ROBO4: variants seen among roughly 807,000 people sequenced by gnomAD.
The protein encoded by ROBO4 is roundabout guidance receptor 4, also known as roundabout homolog 4.
Under a neutral mutation model 103.3 loss-of-function variants are expected in ROBO4, and 80 were observed. The observed-to-expected ratio is 0.77, with a 90% CI of 0.65 to 0.93. ROBO4 has a LOEUF of 0.93. Ranked by LOEUF, ROBO4 falls within the 40% of genes least tolerant of loss-of-function variation. The probability of loss-of-function intolerance (pLI) is 0.00; values close to 1 mark genes in which losing one functional copy is unlikely to be tolerated. For synonymous variants in ROBO4, 504 were observed against 529.7 expected (o/e 0.95, Z 0.67); for missense variants, 1,333 against 1,305.3 (o/e 1.02, Z -0.33).
Position 124,895,669 on chromosome 11 carries a change from G to A in ROBO4, c.824C>T (p.Ala275Val), listed in dbSNP as rs367662644. 117 of 1,612,606 alleles carry A rather than the reference G, an allele frequency of 7.3e-5. No individual in the cohort carries two copies. Among genetic ancestry groups the A allele is most frequent in the Non-Finnish European group, 8.8e-5 (104 of 1,178,978 alleles). Residue 275 changes from alanine (A) to valine (V), a missense_variant, in exon 6 of 18, where the codon GCG (alanine) becomes GTG (valine). Coordinates refer to ENST00000306534, the MANE Select transcript of ROBO4 (RefSeq NM_019055.6). ...WLSWKVSGPA[A>V]PAQSYTALFR... ...CAAGGCCGTGTAAGATTGGGCAGGC[G>A]CAGCAGGGCCACTGACCTGGGAAGG... is the stretch of plus-strand genomic sequence containing the variant.
rs1338223082 is a variant in ROBO4, at chr11:124,884,588, G to C, written c.*303C>G. 4.1e-6 allele frequency: 2 copies of C among 490,424 alleles called. No individual in the cohort carries two copies. The highest frequency in any genetic ancestry group is 3.5e-5 in the Admixed American group (1 of 28,722). The allele number at this position is 490,424 out of a possible 1,614,324, so 30.4% of individuals were successfully genotyped here. The stretch of plus-strand genomic sequence containing the variant: ...TCCAAATGGTGGGGGAAGAGCAGCA[G>C]GCAGGGCTGCTCCTCAGGCCAAAAC... On this transcript the variant is annotated 3_prime_UTR_variant, in exon 18 of 18. Coordinates refer to ENST00000306534, the MANE Select transcript of ROBO4 (RefSeq NM_019055.6).
Position 124,896,319 on chromosome 11 carries a change from C to G in ROBO4, c.559-1G>C. 1 of 1,613,882 alleles carries G rather than the reference C, an allele frequency of 6.2e-7. No individual in the cohort carries two copies. Among genetic ancestry groups the G allele is most frequent in the South Asian group, 1.1e-5 (1 of 91,074 alleles). Reference sequence around the variant, plus strand: ...CCATCAGCAGGGACCCCCCGGACACCTGTCAGGGCCAGGTTCACTGTGAAG... The same window carrying G: ...CCATCAGCAGGGACCCCCCGGACACGTGTCAGGGCCAGGTTCACTGTGAAG... On this transcript the variant is annotated splice_acceptor_variant, in intron 3 of 17. Transcript: ENST00000306534. LOFTEE classifies it high-confidence loss of function.
At chr11:124,892,146 T>C (rs1453486347) in intron 10 of ROBO4, 3 of 488,152 alleles carry the variant, frequency 6.1e-6, no homozygotes, top group South Asian at 3.3e-5. Context: ...AGTACATCTG[T>C]TGCACTTGGG....
intron 16 of ROBO4, 161 bp downstream of exon 16, chr11:124,886,303 C>A: frequency 1.6e-6 from 1 of 612,702 alleles, no homozygotes; most frequent in South Asian, 2.3e-5. Flanking sequence ...GAATATTCCA[C>A]ATAGACTTTC....
Position 124,887,129 on chromosome 11 carries a change from GC to G in ROBO4, c.2282del (p.Ser761ThrfsTer33). ...GGCCAGAGAGGGAAGAGGCCTGGGGGCTAGGGGGACTGCAGGGGCTAAGGAT... is the reference window on the plus strand; with the variant it reads ...GGCCAGAGAGGGAAGAGGCCTGGGGGTAGGGGGACTGCAGGGGCTAAGGAT... ...IPILSPCSPPSPQASSLSGPS... is the reference protein window; with the variant it reads ...IPILSPCSPPXPQASSLSGPS... On this transcript the variant is annotated frameshift_variant, in exon 15 of 18. Transcript: ENST00000306534. LOFTEE classifies it high-confidence loss of function. 1 of 1,613,470 alleles carries G rather than the reference GC, an allele frequency of 6.2e-7. No homozygotes were observed. Among genetic ancestry groups the G allele is most frequent in the Non-Finnish European group, 8.5e-7 (1 of 1,179,672 alleles).
intron 9 of ROBO4, 49 bp from the exon 10 acceptor site, chr11:124,893,779 T>C (rs374877024): frequency 3.7e-6 from 6 of 1,610,780 alleles, no homozygotes; most frequent in African/African-American, 2.7e-5. Context: ...GATCACCTGG[T>C]CAGAGATCCA....
chr11:124,891,735 TCAGGTCCCGAGAGC>T lies in ROBO4; in HGVS notation c.1601_1614del (p.Gly534GlufsTer50), dbSNP rs755569942. The T allele has an allele frequency of 6.7e-5, 108 of 1,613,980 alleles. No homozygotes were observed. Among genetic ancestry groups the T allele is most frequent in the Non-Finnish European group, 8.6e-5 (101 of 1,180,016 alleles). On this transcript the variant is annotated frameshift_variant, in exon 11 of 18. Transcript: ENST00000306534. LOFTEE classifies it high-confidence loss of function. ...CGACTGCTGAGGCTGCTGCTGCTGC[TCAGGTCCCGAGAGC>T]CAGAGGTGGAACGCCAAGTGTCTGC...
intron 11 of ROBO4, 40 bp from the exon 12 acceptor site, chr11:124,891,602 C>G (rs763980699): frequency 6.2e-7 from 1 of 1,614,196 alleles, no homozygotes; most frequent in East Asian, 2.2e-5. Context: ...GTGAGCATGT[C>G]CTGCTTTCCA....
chr11:124,895,421 G>A (rs752996602), intron 6 of ROBO4, 36 bp downstream of exon 6: 1 of 1,575,078 alleles, frequency 6.3e-7, no homozygotes, highest in South Asian at 1.1e-5. Flanking sequence ...GAGCCAGAGG[G>A]GATATTGTTG....
At chr11:124,891,846 G>C in intron 10 of ROBO4, 44 bp from the exon 11 acceptor site, 1 of 1,609,518 alleles carries the variant, frequency 6.2e-7, no homozygotes. Flanking sequence ...GAAACAGGGA[G>C]AAGTGAGAAC....
At chr11:124,897,618 TCTC>T in intron 1 of ROBO4, 105 bp downstream of exon 1, 1 of 906,670 alleles carries the variant, frequency 1.1e-6, no homozygotes, top group Non-Finnish European at 1.8e-6. Flanking sequence ...CTCATCCTCA[TCTC>T]TGGTCCCCCC....
chr11:124,886,317 A>G, intron 16 of ROBO4, 147 bp downstream of exon 16: 2 of 654,426 alleles, frequency 3.1e-6, no homozygotes, highest in Non-Finnish European at 5.3e-6. Context: ...GACTTTCAAT[A>G]TTAAATGTAT....
chr11:124,895,623 C>T lies in ROBO4; in HGVS notation c.870G>A (p.Pro290=), dbSNP rs200340467. 583 of 1,613,792 alleles carry T rather than the reference C, an allele frequency of 3.6e-4. 6 individuals carry two copies. The South Asian group carries it at 5.0e-3, about 14-fold the overall frequency. The change falls in exon 6 of 18, where the codon CCG becomes CCA. Residue 290 remains proline, a synonymous_variant. Coordinates refer to ENST00000306534, the MANE Select transcript of ROBO4 (RefSeq NM_019055.6). ...CTGCCCACGGAGCTCCCTGGCCTCC[C>T]GGGGCAGTCTGGGTCCTGAACAAGG... ...YTALFRTQTA[P]GGQGAPWAEE... is the part of the protein sequence containing the mutation.
At chr11:124,895,037 G>T in intron 7 of ROBO4, 44 bp downstream of exon 7, 1 of 1,383,262 alleles carries the variant, frequency 7.2e-7, no homozygotes, top group Non-Finnish European at 1.0e-6. Context: ...GAAAAGAGAT[G>T]TCCTGGCAGC....
chr11:124,885,784 A>G (rs1450202058), intron 16 of ROBO4, among the ~76,000 whole-genome samples: 1 of 152,162 alleles, frequency 6.6e-6, no homozygotes, highest in Non-Finnish European at 1.5e-5. Context: ...CGGACAGGGC[A>G]GGAGGATGGG....
In ROBO4 at chr11:124,891,575, T is replaced by A. The variant is rs762406663; in HGVS notation, c.1685-13A>T. On this transcript the variant is annotated splice_polypyrimidine_tract_variant and intron_variant, in intron 11 of 17. Transcript: ENST00000306534. ...TCCCAGGAGAGCACTGTGACATAAA[T>A]GACAGGAGGAATTATGGTGAGCATG... is the stretch of plus-strand genomic sequence containing the variant. The A allele has an allele frequency of 6.2e-7, 1 of 1,614,176 alleles. No individual in the cohort carries two copies. Among genetic ancestry groups the A allele is most frequent in the Non-Finnish European group, 8.5e-7 (1 of 1,180,024 alleles).
Position 124,891,759 on chromosome 11 carries a change from A to G in ROBO4, c.1591T>C (p.Ser531Pro). The G allele has an allele frequency of 6.2e-7, 1 of 1,614,196 alleles. No individual in the cohort carries two copies. Among genetic ancestry groups the G allele is most frequent in the Non-Finnish European group, 8.5e-7 (1 of 1,180,036 alleles). Residue 531 changes from serine (S) to proline (P), a missense_variant, in exon 11 of 18, where the codon TCC becomes CCC. By Grantham distance (74) the Ser-to-Pro change is moderately conservative (BLOSUM62 -1). Transcript: ENST00000306534. ...DSQWLADTWRSTSGSRDLSSS... is the reference protein window; with the variant it reads ...DSQWLADTWRPTSGSRDLSSS... ...CTCAGGTCCCGAGAGCCAGAGGTGGAACGCCAAGTGTCTGCCAACCACTGG... is the reference window on the plus strand; with the variant it reads ...CTCAGGTCCCGAGAGCCAGAGGTGGGACGCCAAGTGTCTGCCAACCACTGG...
Position 124,885,193 on chromosome 11 carries a change from G to A in ROBO4, c.2849C>T (p.Ser950Phe). 1.9e-6 allele frequency: 3 copies of A among 1,613,864 alleles called. No individual in the cohort carries two copies. Among genetic ancestry groups the A allele is most frequent in the Non-Finnish European group, 2.5e-6 (3 of 1,180,024 alleles). Residue 950 changes from serine to phenylalanine, a missense_variant, in exon 17 of 18, where the codon TCC becomes TTC. Transcript: ENST00000306534. The stretch of plus-strand genomic sequence containing the variant: ...TGGCCTCCACTCCCACAGGGGCAGG[G>A]AGAGGTTGGGGGTCAGGAAGATCTC... Reference protein sequence around the residue: ...RDEIFLTPNLSLPLWEWRPDW... With the variant: ...RDEIFLTPNLFLPLWEWRPDW...
chr11:124,887,017 C>T lies in ROBO4; in HGVS notation c.2395G>A (p.Ala799Thr). The T allele has an allele frequency of 6.2e-7, 1 of 1,613,816 alleles. No individual in the cohort carries two copies. Among genetic ancestry groups the T allele is most frequent in the South Asian group, 1.1e-5 (1 of 91,064 alleles). The change falls in exon 15 of 18, where the codon GCC becomes ACC. Residue 799 changes from alanine to threonine, a missense_variant. Physicochemically the swap from Ala to Thr is moderately conservative, Grantham distance 58. Coordinates refer to ENST00000306534, the MANE Select transcript of ROBO4 (RefSeq NM_019055.6). ...CCCTCACTGAGTTCCAAGCACAGGG[C>T]TACCTCCTCAGGGGTCAGCACGCTG... The part of the protein sequence containing the change: ...QDSVLTPEEV[A>T]LCLELSEGEE...
Sources: allele counts gnomAD v4.1 joint callset (sites outside exome capture counted in the v4.1 genomes callset), GRCh38; gene constraint gnomAD v4.1.1; transcripts MANE v1.5; gene names NCBI Gene and HGNC (gene_info 2026-07-23, HGNC 2026-07-21).